ADGRL3: variants seen among roughly 807,000 people sequenced by gnomAD.
ADGRL3 encodes the protein calcium-independent alpha-latrotoxin receptor 3.
Under a neutral mutation model 153.5 loss-of-function variants are expected in ADGRL3, and 62 were observed. The ratio of observed to expected loss-of-function variants is 0.40; its 90% CI spans 0.33 to 0.50. The LOEUF is 0.50. Among genes scored for constraint, ADGRL3 ranks in the 20% least tolerant of loss-of-function variants. ADGRL3 has a pLI of 0.47. For missense variants in ADGRL3, 1,641 were observed against 1,859.4 expected (o/e 0.88, Z 2.16); for synonymous variants, 710 against 672.5 (o/e 1.06, Z -0.86).
intron 17 of ADGRL3, among the ~76,000 whole-genome samples, chr4:61,956,718 G>T (rs2098968403): frequency 6.6e-6 from 1 of 152,134 alleles, no homozygotes. Flanking sequence ...TGTGTATAAG[G>T]TATAAGGAAG....
chr4:61,519,930 T>C (rs2098519929), intron 4 of ADGRL3, among the ~76,000 whole-genome samples: 2 of 152,218 alleles, frequency 1.3e-5, no homozygotes, highest in Admixed American at 1.3e-4. Flanking sequence ...CTTAAAAATA[T>C]ATTAACCTCT....
chr4:61,856,086 G>A (rs1391234664), intron 9 of ADGRL3, among the ~76,000 whole-genome samples: 2 of 152,106 alleles, frequency 1.3e-5, no homozygotes, highest in Admixed American at 6.6e-5. Flanking sequence ...TCAAGGAACT[G>A]GCCAAGGACA....
In ADGRL3 at chr4:61,913,490, A is replaced by T. The variant is rs561709727; in HGVS notation, c.2112+733A>T. Among the ~76,000 whole-genome samples the T allele has an allele frequency of 2.9e-4, 44 of 152,286 alleles. 1 individual carries two copies. The South Asian group carries it at 8.9e-3, about 31-fold the overall frequency. On this transcript the variant is annotated intron_variant, in intron 13 of 26. Coordinates refer to ENST00000683033, the MANE Select transcript of ADGRL3 (RefSeq NM_001387552.1). ...TGTAAACTTTATTCTACATGTATACATTTCACAGCATTTTTAAAAAGGCCA... is the reference window on the plus strand; with the variant it reads ...TGTAAACTTTATTCTACATGTATACTTTTCACAGCATTTTTAAAAAGGCCA...
At position 61,664,339 on chromosome 4, in the gene ADGRL3, T is replaced by G. The variant is rs754754171; in HGVS notation, c.474-12487T>G. On this transcript the variant is annotated intron_variant, in intron 5 of 26. Transcript: ENST00000683033. ...AGTCCTGAAAGAATATCATCCTCTTTAAATTTTAAATGTGGTTTGGAATAA... is the reference window on the plus strand; with the variant it reads ...AGTCCTGAAAGAATATCATCCTCTTGAAATTTTAAATGTGGTTTGGAATAA... Among the ~76,000 whole-genome samples the G allele has an allele frequency of 4.5e-4, 68 of 152,298 alleles. 1 individual carries two copies. Among genetic ancestry groups the G allele is most frequent in the African/African-American group, 1.3e-3 (55 of 41,558 alleles).
intron 13 of ADGRL3, among the ~76,000 whole-genome samples, chr4:61,932,971 G>A (rs1220882648): frequency 6.6e-6 from 1 of 151,134 alleles, no homozygotes; most frequent in Non-Finnish European, 1.5e-5. Context: ...TTCTCATCTT[G>A]TATTTTTTTT....
intron 2 of ADGRL3, among the ~76,000 whole-genome samples, chr4:61,411,914 T>A (rs916086939): frequency 6.6e-6 from 1 of 152,204 alleles, no homozygotes; most frequent in Non-Finnish European, 1.5e-5. Flanking sequence ...GAGAATTCAC[T>A]AAGTTTTTGA....
At chr4:61,957,320 G>A (rs1274510365) in intron 17 of ADGRL3, among the ~76,000 whole-genome samples, 2 of 152,068 alleles carry the variant, frequency 1.3e-5, no homozygotes, top group Middle Eastern at 3.4e-3. Flanking sequence ...GTCCATTCAC[G>A]ATTTGGCTCT....
chr4:61,507,972 A>T (rs1347017872), intron 3 of ADGRL3, among the ~76,000 whole-genome samples: 1 of 152,156 alleles, frequency 6.6e-6, no homozygotes, highest in South Asian at 2.1e-4. Flanking sequence ...TAAAAAATTT[A>T]TATTCTAAAG....
rs1011466030 is a variant in ADGRL3 at position 61,723,020 on chromosome 4, T to G, written c.584-7602T>G. Reference sequence around the variant, plus strand: ...TAAGAATCAGTCAAAAATACATGTCTTAGGAACAAATAGATGACATTTTCC... The same window carrying G: ...TAAGAATCAGTCAAAAATACATGTCGTAGGAACAAATAGATGACATTTTCC... On this transcript the variant is annotated intron_variant, in intron 6 of 26. Coordinates refer to ENST00000683033, the MANE Select transcript of ADGRL3 (RefSeq NM_001387552.1). Among the ~76,000 whole-genome samples, 20 of 152,322 alleles carry G rather than the reference T, an allele frequency of 1.3e-4. 1 individual carries two copies. The South Asian group carries it at 2.7e-3, about 21-fold the overall frequency.
chr4:61,938,031 G>A (rs1457372260), intron 15 of ADGRL3, among the ~76,000 whole-genome samples: 1 of 152,034 alleles, frequency 6.6e-6, no homozygotes, highest in African/African-American at 2.4e-5. Flanking sequence ...TGCTGGGATT[G>A]CAGGCATAAG....
intron 1 of ADGRL3, among the ~76,000 whole-genome samples, chr4:61,367,616 A>G (rs1406984620): frequency 8.1e-5 from 11 of 136,284 alleles, no homozygotes; most frequent in Admixed American, 4.6e-4. Context: ...ATGTGCCACA[A>G]TTTCTTAATC....
At chr4:61,793,464 T>C (rs553861924) in intron 8 of ADGRL3, among the ~76,000 whole-genome samples, 1 of 152,076 alleles carries the variant, frequency 6.6e-6, no homozygotes, top group Admixed American at 6.5e-5. Context: ...TGAGGCTTAT[T>C]CACTATCACG....
chr4:61,210,052 G>T (rs1378656567), intron 1 of ADGRL3, among the ~76,000 whole-genome samples: 2 of 152,214 alleles, frequency 1.3e-5, no homozygotes, highest in East Asian at 1.9e-4. Context: ...TCATAAATGA[G>T]TTGAAATTTT....
intron 25 of ADGRL3, among the ~76,000 whole-genome samples, chr4:62,049,506 A>G (rs1334548151): frequency 6.6e-6 from 1 of 152,178 alleles, no homozygotes; most frequent in Admixed American, 6.6e-5. Flanking sequence ...ATAAATGCTG[A>G]TGGATTCTCT....
chr4:61,983,657 C>G, intron 19 of ADGRL3, 54 bp downstream of exon 19: 1 of 1,528,720 alleles, frequency 6.5e-7, no homozygotes, highest in Non-Finnish European at 9.0e-7. Context: ...AAGTGTTGGA[C>G]TTTCTTGGAA....
At chr4:61,269,026 G>A (rs1349612530) in intron 1 of ADGRL3, among the ~76,000 whole-genome samples, 1 of 151,606 alleles carries the variant, frequency 6.6e-6, no homozygotes, top group African/African-American at 2.4e-5. Flanking sequence ...AAAAATTCTT[G>A]TTAGGTCAGA....
At chr4:61,587,046 G>A (rs572534856) in intron 4 of ADGRL3, among the ~76,000 whole-genome samples, 181 bp from the exon 5 acceptor site, 1 of 152,120 alleles carries the variant, frequency 6.6e-6, no homozygotes, top group South Asian at 2.1e-4. Context: ...TGTTAGATTA[G>A]AAGAAAAATA....
chr4:61,420,547 C>T (rs1169986025), intron 2 of ADGRL3: 1 of 151,622 alleles, frequency 6.6e-6, no homozygotes, highest in Non-Finnish European at 1.5e-5. Context: ...GCTGGGACCA[C>T]AGGCGCCCGC....
At chr4:61,974,578 T>C (rs2150726877) in intron 17 of ADGRL3, among the ~76,000 whole-genome samples, 1 of 152,284 alleles carries the variant, frequency 6.6e-6, no homozygotes, top group African/African-American at 2.4e-5. Context: ...GTGAATTACT[T>C]ATCACAATAT....
Sources: allele counts gnomAD v4.1 joint callset (sites outside exome capture counted in the v4.1 genomes callset), GRCh38; gene constraint gnomAD v4.1.1; transcripts MANE v1.5; gene names NCBI Gene and HGNC (gene_info 2026-07-23, HGNC 2026-07-21).